The following COX7B2 variants were observed in gnomAD, a reference collection of about 807,000 sequenced individuals.
COX7B2 encodes cytochrome c oxidase subunit 7B2, mitochondrial.
For missense variants in COX7B2, 109 were observed against 95.9 expected, an observed-to-expected ratio of 1.14 and a Z score of -0.57; for synonymous variants, 37 against 32.1, an observed-to-expected ratio of 1.15 and a Z score of -0.51.
intron 2 of COX7B2, among the ~76,000 whole-genome samples, chr4:46,762,007 AGT>A (rs1716176640): frequency 6.6e-6 from 1 of 151,384 alleles, no homozygotes; most frequent in Non-Finnish European, 1.5e-5. Flanking sequence ...CATAAATGCT[AGT>A]GTCAGCTCTG....
intron 2 of COX7B2, among the ~76,000 whole-genome samples, chr4:46,829,309 T>C (rs377370708): frequency 5.3e-5 from 8 of 152,210 alleles, no homozygotes; most frequent in South Asian, 2.1e-4. Context: ...GACCATGGAA[T>C]ATGTTTTATG....
chr4:46,738,417 C>T (rs1475613746), intron 2 of COX7B2, among the ~76,000 whole-genome samples: 2 of 152,044 alleles, frequency 1.3e-5, no homozygotes, highest in Non-Finnish European at 2.9e-5. Flanking sequence ...TTTAGGAAAT[C>T]CTTCCATAGT....
At chr4:46,869,095 T>A (rs1025933050) in intron 1 of COX7B2, among the ~76,000 whole-genome samples, 12 of 152,202 alleles carry the variant, frequency 7.9e-5, no homozygotes, top group Non-Finnish European at 1.5e-4. Context: ...TAGGTCTTCT[T>A]GTTGAATTGA....
intron 2 of COX7B2, among the ~76,000 whole-genome samples, chr4:46,821,870 G>C (rs1714318375): frequency 6.6e-6 from 1 of 152,130 alleles, no homozygotes; most frequent in Non-Finnish European, 1.5e-5. Context: ...GTTTAATACA[G>C]TAGAGGTACA....
intron 2 of COX7B2, among the ~76,000 whole-genome samples, chr4:46,808,436 GT>G (rs1205748353): frequency 6.6e-6 from 1 of 151,426 alleles, no homozygotes; most frequent in Non-Finnish European, 1.5e-5. Flanking sequence ...TGGAATTCTG[GT>G]TTTTTTACAT....
intron 2 of COX7B2, among the ~76,000 whole-genome samples, chr4:46,831,510 C>T (rs1450639988): frequency 6.6e-6 from 1 of 152,186 alleles, no homozygotes; most frequent in Non-Finnish European, 1.5e-5. Flanking sequence ...CAGCTGGGCT[C>T]CTGAGTCTAG....
chr4:46,793,329 T>C (rs970048872), intron 2 of COX7B2, among the ~76,000 whole-genome samples: 3 of 151,852 alleles, frequency 2.0e-5, no homozygotes, highest in African/African-American at 7.3e-5. Context: ...ATGTCTCTGG[T>C]TGGGGAGGAG....
At chr4:46,896,865 A>G (rs2109884847) in intron 1 of COX7B2, among the ~76,000 whole-genome samples, 1 of 152,306 alleles carries the variant, frequency 6.6e-6, no homozygotes, top group African/African-American at 2.4e-5. Context: ...TTCTCTTTCA[A>G]GTACAGTTGA....
intron 1 of COX7B2, among the ~76,000 whole-genome samples, chr4:46,887,098 G>A (rs533254684): frequency 2.6e-5 from 4 of 152,166 alleles, no homozygotes; most frequent in Non-Finnish European, 5.9e-5. Flanking sequence ...TAGGAAGAAA[G>A]GAAAAAAAGA....
At chr4:46,767,548 T>C (rs1261791891) in intron 2 of COX7B2, among the ~76,000 whole-genome samples, 6 of 152,194 alleles carry the variant, frequency 3.9e-5, no homozygotes, top group African/African-American at 7.2e-5. Flanking sequence ...GAGCAGAATA[T>C]ACATTCTTTC....
At chr4:46,831,216 G>A (rs1214013059) in intron 2 of COX7B2, among the ~76,000 whole-genome samples, 1 of 152,164 alleles carries the variant, frequency 6.6e-6, no homozygotes, top group Non-Finnish European at 1.5e-5. Flanking sequence ...GGGTCCCCCA[G>A]CAGTGCCGGC....
chr4:46,845,097 G>C (rs889077269), intron 1 of COX7B2, 83 bp from the exon 2 acceptor site: 1 of 151,996 alleles, frequency 6.6e-6, no homozygotes, highest in Non-Finnish European at 1.5e-5. Context: ...ATGTTACTCA[G>C]AGAAAATCAC....
At chr4:46,832,332 C>T (rs934727562) in intron 2 of COX7B2, among the ~76,000 whole-genome samples, 4 of 152,078 alleles carry the variant, frequency 2.6e-5, no homozygotes, top group East Asian at 1.9e-4. Context: ...CCAGACACGC[C>T]GCCTTTAAGA....
At chr4:46,864,203 TA>T (rs1365292282) in intron 1 of COX7B2, among the ~76,000 whole-genome samples, 1 of 152,156 alleles carries the variant, frequency 6.6e-6, no homozygotes, top group African/African-American at 2.4e-5. Context: ...CAGGTGTTGT[TA>T]AGTATCCCCA....
chr4:46,816,374 C>T (rs1350528662), intron 2 of COX7B2, among the ~76,000 whole-genome samples: 1 of 152,162 alleles, frequency 6.6e-6, no homozygotes, highest in African/African-American at 2.4e-5. Context: ...TATCTTCTAT[C>T]TCTAATGGCC....
chr4:46,744,308 C>T (rs1714891422), intron 2 of COX7B2, among the ~76,000 whole-genome samples: 2 of 152,048 alleles, frequency 1.3e-5, no homozygotes, highest in South Asian at 4.2e-4. Flanking sequence ...CTCCTGAGCT[C>T]CTATTTTCCT....
chr4:46,826,685 A>G (rs1480718692), intron 2 of COX7B2, among the ~76,000 whole-genome samples: 1 of 152,194 alleles, frequency 6.6e-6, no homozygotes, highest in African/African-American at 2.4e-5. Context: ...TAGCTATAAA[A>G]AAGAATGAGA....
chr4:46,837,912 G>A (rs2109747012), intron 2 of COX7B2, among the ~76,000 whole-genome samples: 1 of 151,998 alleles, frequency 6.6e-6, no homozygotes, highest in South Asian at 2.1e-4. Flanking sequence ...CAAAAGGTCA[G>A]AACTTCTCAA....
At chr4:46,804,152 C>T (rs1718836319) in intron 2 of COX7B2, among the ~76,000 whole-genome samples, 1 of 151,966 alleles carries the variant, frequency 6.6e-6, no homozygotes, top group South Asian at 2.1e-4. Context: ...AGTTGTTGTT[C>T]CTCGCGGTGG....
Sources: gnomAD v4.1 joint callset for allele counts (sites outside exome capture counted in the v4.1 genomes callset) on GRCh38, gnomAD v4.1.1 for gene constraint, MANE v1.5 for transcripts, NCBI Gene and HGNC (gene_info 2026-07-23, HGNC 2026-07-21) for gene names.